PPP3CC: variants seen among roughly 807,000 people sequenced by gnomAD.
The protein encoded by PPP3CC is protein phosphatase 3 catalytic subunit gamma, also known as serine/threonine-protein phosphatase 2B catalytic subunit gamma isoform.
A neutral mutation model predicts 60.3 loss-of-function variants in PPP3CC; 35 were observed. That is an observed-to-expected ratio of 0.58 (90% CI 0.44 to 0.77). PPP3CC has a LOEUF of 0.77. Ranked by LOEUF, PPP3CC falls within the 30% of genes least tolerant of loss-of-function variation. The pLI, the probability that PPP3CC is intolerant of heterozygous loss-of-function variation, is 0.00. For missense variants in PPP3CC, 570 were observed against 628.9 expected, an observed-to-expected ratio of 0.91 and a Z score of 1.00; for synonymous variants, 206 against 224.3, an observed-to-expected ratio of 0.92 and a Z score of 0.73.
Position 22,484,180 on chromosome 8 carries a change from A to G in PPP3CC, c.372+8556A>G, listed in dbSNP as rs919536062. Among the ~76,000 whole-genome samples the G allele has an allele frequency of 8.5e-5, 13 of 152,280 alleles. No homozygotes were observed. The East Asian group carries it at 2.5e-3, about 29-fold the overall frequency. On this transcript the variant is annotated intron_variant, in intron 3 of 13. Transcript: ENST00000240139. ...CAATTTTAAAAACAATTAATTTATC[A>G]AAGATTTACTTAAGTCACAAGAACT... is the stretch of plus-strand genomic sequence containing the variant.
rs558572099 is a variant in PPP3CC, at chr8:22,481,780, G to A, written c.372+6156G>A. Among the ~76,000 whole-genome samples the A allele has an allele frequency of 1.1e-4, 16 of 151,956 alleles. No individual in the cohort carries two copies. The South Asian group carries it at 2.9e-3, about 28-fold the overall frequency. On this transcript the variant is annotated intron_variant, in intron 3 of 13. Coordinates refer to ENST00000240139, the MANE Select transcript of PPP3CC (RefSeq NM_005605.5). ...AACTCCCACTTATGAGTGAGAACAT[G>A]TGGTGTTTGGTTTTCTGTTCCTGTG...
chr8:22,532,424 T>C, intron 11 of PPP3CC, 118 bp downstream of exon 11: 1 of 795,676 alleles, frequency 1.3e-6, no homozygotes, highest in Non-Finnish European at 2.0e-6. Context: ...GGTCTTTAGG[T>C]TGAGTGCAAA....
chr8:22,497,331 A>ATT (rs201716073), intron 3 of PPP3CC, among the ~76,000 whole-genome samples: 2 of 137,182 alleles, frequency 1.5e-5, no homozygotes. Flanking sequence ...ACCTGGCCCT[A>ATT]TTTTTTTTTT....
At chr8:22,454,389 T>C (rs1386054294) in intron 1 of PPP3CC, among the ~76,000 whole-genome samples, 1 of 152,192 alleles carries the variant, frequency 6.6e-6, no homozygotes, top group African/African-American at 2.4e-5. Context: ...CAACAATGCC[T>C]TCTCATGGAA....
chr8:22,470,740 A>C (rs1267933173), intron 1 of PPP3CC, among the ~76,000 whole-genome samples: 1 of 152,202 alleles, frequency 6.6e-6, no homozygotes, highest in East Asian at 1.9e-4. Flanking sequence ...TACTGGAATA[A>C]AATTTAGCAG....
intron 5 of PPP3CC, among the ~76,000 whole-genome samples, chr8:22,511,633 A>G (rs900901331): frequency 6.6e-6 from 1 of 152,208 alleles, no homozygotes; most frequent in Non-Finnish European, 1.5e-5. Flanking sequence ...TAAAATATAG[A>G]TAATGAAAAG....
At chr8:22,508,868 A>T (rs1051569637) in intron 4 of PPP3CC, among the ~76,000 whole-genome samples, 1 of 152,228 alleles carries the variant, frequency 6.6e-6, no homozygotes, top group Non-Finnish European at 1.5e-5. Flanking sequence ...GCAAAATTTA[A>T]AACAAAGCAG....
At chr8:22,512,556 G>A (rs922492409) in intron 5 of PPP3CC, among the ~76,000 whole-genome samples, 5 of 152,108 alleles carry the variant, frequency 3.3e-5, no homozygotes, top group Non-Finnish European at 5.9e-5. Context: ...AATCTCCACT[G>A]GAATGAGGTT....
chr8:22,460,470 G>A (rs1266465391), intron 1 of PPP3CC, among the ~76,000 whole-genome samples: 1 of 151,536 alleles, frequency 6.6e-6, no homozygotes, highest in Non-Finnish European at 1.5e-5. Flanking sequence ...GAGATTACAA[G>A]CATGAGCCAC....
intron 1 of PPP3CC, among the ~76,000 whole-genome samples, chr8:22,455,223 A>G (rs1158567218): frequency 6.6e-6 from 1 of 152,208 alleles, no homozygotes. Flanking sequence ...TATGCTTAGA[A>G]GGGTTAAATA....
intron 4 of PPP3CC, among the ~76,000 whole-genome samples, chr8:22,508,530 G>A (rs1031865786): frequency 6.6e-6 from 1 of 152,070 alleles, no homozygotes; most frequent in South Asian, 2.1e-4. Context: ...TTTACAAAAT[G>A]ACAATACACT....
intron 3 of PPP3CC, among the ~76,000 whole-genome samples, chr8:22,485,557 G>A (rs1195752658): frequency 6.6e-6 from 1 of 152,154 alleles, no homozygotes; most frequent in Non-Finnish European, 1.5e-5. Flanking sequence ...TGCAGAAGCC[G>A]TTAGAGGAGG....
chr8:22,457,866 C>T (rs529186188), intron 1 of PPP3CC, among the ~76,000 whole-genome samples: 17 of 152,240 alleles, frequency 1.1e-4, no homozygotes, highest in African/African-American at 2.9e-4. Context: ...CCAAGGCGGG[C>T]GGATCACCTG....
intron 3 of PPP3CC, among the ~76,000 whole-genome samples, chr8:22,487,247 A>C (rs1342678035): frequency 6.6e-6 from 1 of 152,202 alleles, no homozygotes; most frequent in Non-Finnish European, 1.5e-5. Flanking sequence ...GAACATTTTT[A>C]AGACTTCTGC....
Position 22,540,846 on chromosome 8 carries a change from CA to C in PPP3CC, c.*47del. ...CTCAGGTGGATCTAAAACTCAAGAA[CA>C]AATTCTATTTATTTATTATTGGAAA... On this transcript the variant is annotated 3_prime_UTR_variant, in exon 14 of 14. Transcript: ENST00000240139. 1 of 1,445,282 alleles carries C rather than the reference CA, an allele frequency of 6.9e-7. No individual in the cohort carries two copies. The highest frequency in any genetic ancestry group is 2.5e-5 in the East Asian group (1 of 39,824). The allele number at this position is 1,445,282 out of a possible 1,614,324, so 89.5% of individuals were successfully genotyped here.
chr8:22,494,569 T>C (rs541809969), intron 3 of PPP3CC, among the ~76,000 whole-genome samples: 24 of 152,346 alleles, frequency 1.6e-4, no homozygotes, highest in African/African-American at 5.8e-4. Context: ...TCATCATTCA[T>C]GCGTTCTGTA....
intron 3 of PPP3CC, among the ~76,000 whole-genome samples, chr8:22,497,047 G>A (rs1483046549): frequency 6.6e-6 from 1 of 151,864 alleles, no homozygotes; most frequent in Non-Finnish European, 1.5e-5. Context: ...TGTTTGTTTT[G>A]AGACAGAGTT....
At chr8:22,527,305 G>A in intron 8 of PPP3CC, 87 bp from the exon 9 acceptor site, 1 of 1,422,394 alleles carries the variant, frequency 7.0e-7, no homozygotes, top group African/African-American at 1.4e-5. Flanking sequence ...CTCGAATTCT[G>A]TGTAGCAGGT....
At chr8:22,516,462 C>T (rs1159723666) in intron 6 of PPP3CC, among the ~76,000 whole-genome samples, 1 of 152,110 alleles carries the variant, frequency 6.6e-6, no homozygotes, top group South Asian at 2.1e-4. Flanking sequence ...AAAACTTAAT[C>T]CTGTAGATAT....
Sources: gnomAD v4.1 joint callset for allele counts (sites outside exome capture counted in the v4.1 genomes callset) on GRCh38, gnomAD v4.1.1 for gene constraint, MANE v1.5 for transcripts, NCBI Gene and HGNC (gene_info 2026-07-23, HGNC 2026-07-21) for gene names.